Variants in NUGGC observed in about 807,000 individuals in gnomAD.
NUGGC encodes the protein nuclear GTPase SLIP-GC.
In NUGGC, 58 loss-of-function variants were observed where a neutral mutation model predicts 92.6. The ratio of observed to expected loss-of-function variants is 0.63; its 90% confidence interval spans 0.51 to 0.78. NUGGC has a LOEUF of 0.78. Among genes scored for constraint, NUGGC ranks in the 30% least tolerant of loss-of-function variants. The pLI is 0.00. For synonymous variants in NUGGC, 376 were observed against 366.4 expected (o/e 1.03, Z -0.30); for missense variants, 925 against 964.6 (o/e 0.96, Z 0.54).
At chr8:28,069,830 A>G in intron 3 of NUGGC, 178 bp from the exon 4 acceptor site, 1 of 590,106 alleles carries the variant, frequency 1.7e-6, no homozygotes, top group East Asian at 2.8e-5. Flanking sequence ...GGAGATAGCA[A>G]TCATTGGTTC....
chr8:28,070,260 A>T lies in NUGGC; in HGVS notation c.140T>A (p.Leu47His), dbSNP rs530226978. The change falls in exon 3 of 19, where the codon CTT becomes CAT. Residue 47 changes from leucine to histidine, a missense_variant. By Grantham distance (99) the Leu-to-His change is moderately conservative. Transcript: ENST00000413272. ...AGTTCCAAGACACTCACATTCCTTA[A>T]GAGCACTCTGCTCCATGGAGGGAAA... ...RAFPSMEQSA[L>H]KEYEKLESRT... 1.3e-6 allele frequency: 2 copies of T among 1,549,974 alleles called. No individual in the cohort carries two copies. Among genetic ancestry groups the T allele is most frequent in the East Asian group, 2.4e-5 (1 of 41,504 alleles).
intron 10 of NUGGC, among the ~76,000 whole-genome samples, chr8:28,051,163 C>A (rs1284660351): frequency 2.0e-5 from 3 of 152,072 alleles, no homozygotes; most frequent in African/African-American, 7.2e-5. Flanking sequence ...AAAAGAAACC[C>A]CAGATTCCTG....
intron 10 of NUGGC, among the ~76,000 whole-genome samples, chr8:28,050,252 G>A (rs1809958650): frequency 6.6e-6 from 1 of 152,110 alleles, no homozygotes; most frequent in African/African-American, 2.4e-5. Flanking sequence ...AGGCATGGTG[G>A]TGAGTGCCTG....
In NUGGC at chr8:28,067,623, T is replaced by G. The variant is rs761412645; in HGVS notation, c.602A>C (p.Gln201Pro). ...EAVEEATWKL[Q>P]MIYGNGAESK... ...CTCTGCCCCATTTCCATAAATCATT[T>G]GTAGCTTCCAGGTGGCTTCCTCCAC... The change falls in exon 6 of 19, where the codon CAA (glutamine) becomes CCA (proline). Residue 201 changes from glutamine to proline, a missense_variant. By Grantham distance (76) the Gln-to-Pro change is moderately conservative. Coordinates refer to ENST00000413272, the MANE Select transcript of NUGGC (RefSeq NM_001010906.2). The G allele has an allele frequency of 1.9e-6, 3 of 1,614,042 alleles. No homozygotes were observed.
intron 13 of NUGGC, among the ~76,000 whole-genome samples, chr8:28,040,457 C>T (rs978084974): frequency 2.0e-5 from 3 of 152,048 alleles, no homozygotes; most frequent in South Asian, 2.1e-4. Flanking sequence ...GGGCTTTGCC[C>T]GGGGCTACAA....
intron 6 of NUGGC, among the ~76,000 whole-genome samples, chr8:28,066,237 G>T (rs746440302): frequency 1.3e-4 from 20 of 152,186 alleles, no homozygotes; most frequent in Non-Finnish European, 2.5e-4. Flanking sequence ...TTAGATATTA[G>T]AAGTGTAATC....
intron 10 of NUGGC, among the ~76,000 whole-genome samples, chr8:28,048,579 T>C (rs1471167868): frequency 1.1e-4 from 17 of 152,044 alleles, no homozygotes. Flanking sequence ...TGTTGAAACA[T>C]TAGTCTGGGT....
intron 13 of NUGGC, among the ~76,000 whole-genome samples, chr8:28,039,853 C>G (rs901831029): frequency 1.3e-5 from 2 of 152,144 alleles, no homozygotes; most frequent in African/African-American, 4.8e-5. Context: ...ACATGCGAAG[C>G]CCTAACCACC....
At chr8:28,071,636 G>T (rs921002103) in intron 2 of NUGGC, among the ~76,000 whole-genome samples, 2 of 152,292 alleles carry the variant, frequency 1.3e-5, no homozygotes, top group Admixed American at 1.3e-4. Flanking sequence ...GAAGTGAAGG[G>T]CTTGTTGGGC....
intron 7 of NUGGC, among the ~76,000 whole-genome samples, chr8:28,061,820 G>A (rs2130219679): frequency 6.6e-6 from 1 of 152,262 alleles, no homozygotes; most frequent in South Asian, 2.1e-4. Flanking sequence ...GGCCGAGGAT[G>A]CAGCTAAACA....
At chr8:28,055,842 A>G in intron 10 of NUGGC, 123 bp downstream of exon 10, 1 of 590,738 alleles carries the variant, frequency 1.7e-6, no homozygotes. Flanking sequence ...TCAAAACAAA[A>G]GAAACTAACT....
intron 10 of NUGGC, among the ~76,000 whole-genome samples, chr8:28,049,243 C>T (rs1019708726): frequency 5.9e-5 from 9 of 152,178 alleles, no homozygotes; most frequent in African/African-American, 2.2e-4. Context: ...AGCCCACCCC[C>T]ACCAACCCCC....
intron 14 of NUGGC, among the ~76,000 whole-genome samples, chr8:28,032,626 G>A (rs1341714583): frequency 1.3e-5 from 2 of 151,492 alleles, no homozygotes; most frequent in Non-Finnish European, 2.9e-5. Context: ...GCTGAGGCAG[G>A]AGAATGGTGT....
Position 28,064,654 on chromosome 8 carries a change from C to T in NUGGC, c.789G>A (p.Met263Ile). 1.2e-6 allele frequency: 2 copies of T among 1,614,036 alleles called. No individual in the cohort carries two copies. Reference protein sequence around the residue: ...RRDWDGEAAEMRIWPLIKHVE... With the variant: ...RRDWDGEAAEIRIWPLIKHVE... Reference sequence around the variant, plus strand: ...CATGTTTGATCAAGGGCCAGATGCGCATCTCAGCGGCCTCTCCATCCCAAT... The same window carrying T: ...CATGTTTGATCAAGGGCCAGATGCGTATCTCAGCGGCCTCTCCATCCCAAT... The change falls in exon 7 of 19, where the codon ATG becomes ATA. Residue 263 changes from methionine to isoleucine, a missense_variant. Coordinates refer to ENST00000413272, the MANE Select transcript of NUGGC (RefSeq NM_001010906.2).
At chr8:28,024,195 CTTTT>C (rs763885790) in intron 18 of NUGGC, among the ~76,000 whole-genome samples, 1 of 124,026 alleles carries the variant, frequency 8.1e-6, no homozygotes, top group Admixed American at 8.2e-5. Flanking sequence ...TAAATTCTTT[CTTTT>C]TTTTTTTTTT....
chr8:28,047,434 A>T, intron 11 of NUGGC, 73 bp downstream of exon 11: 2 of 947,140 alleles, frequency 2.1e-6, no homozygotes, highest in Non-Finnish European at 1.6e-6. Context: ...AAAAAGTTCT[A>T]GAGCAGGAAA....
At chr8:28,056,200 C>T (rs370133741) in intron 9 of NUGGC, 146 bp from the exon 10 acceptor site, 16 of 540,740 alleles carry the variant, frequency 3.0e-5, no homozygotes, top group African/African-American at 3.9e-5. Flanking sequence ...ACACAGTTGC[C>T]GGGCACGGTG....
At chr8:28,075,755 C>T (rs1324299609) in intron 1 of NUGGC, among the ~76,000 whole-genome samples, 1 of 152,204 alleles carries the variant, frequency 6.6e-6, no homozygotes, top group Admixed American at 6.5e-5. Context: ...TATTAACTGA[C>T]TAAACGGCTT....
At chr8:28,045,454 A>G (rs1345413924) in intron 12 of NUGGC, 73 bp downstream of exon 12, 25 of 1,428,356 alleles carry the variant, frequency 1.8e-5, no homozygotes, top group South Asian at 4.0e-5. Context: ...TCATAAGTTA[A>G]TTTTCTAACT....
Sources: allele counts gnomAD v4.1 joint callset (sites outside exome capture counted in the v4.1 genomes callset), GRCh38; gene constraint gnomAD v4.1.1; transcripts MANE v1.5; gene names NCBI Gene and HGNC (gene_info 2026-07-23, HGNC 2026-07-21).